The following PSD2 variants were observed in gnomAD, a reference collection of about 807,000 sequenced individuals.
PSD2 encodes the protein PH and SEC7 domain-containing protein 2.
A neutral mutation model predicts 69.8 loss-of-function variants in PSD2; 38 were observed. The ratio of observed to expected loss-of-function variants is 0.54; its 90% CI spans 0.42 to 0.71. The LOEUF is 0.71. PSD2 is among the 30% of genes least tolerant of loss of function. PSD2 has a pLI of 0.00. For missense variants in PSD2, 943 were observed against 1,014.5 expected (o/e 0.93, Z 0.96); for synonymous variants, 412 against 423.0 (o/e 0.97, Z 0.32).
intron 6 of PSD2, 54 bp downstream of exon 6, chr5:139,822,059 T>C (rs1436327360): frequency 2.5e-6 from 3 of 1,192,248 alleles, no homozygotes; most frequent in Non-Finnish European, 3.7e-6. Context: ...AGCCAGGCCC[T>C]GGTCCCCTCC....
At chr5:139,808,872 C>T (rs1476746931) in intron 1 of PSD2, among the ~76,000 whole-genome samples, 1 of 152,256 alleles carries the variant, frequency 6.6e-6, no homozygotes, top group African/African-American at 2.4e-5. Context: ...CTTGCCTCCT[C>T]TCTTAACTCC....
the PSD2 span, among the ~76,000 whole-genome samples, chr5:139,753,169 C>T: frequency 6.6e-6 from 1 of 152,196 alleles, no homozygotes; most frequent in African/African-American, 2.4e-5. Context: ...TAGAGACAGC[C>T]AGGACCCTGA....
intron 7 of PSD2, among the ~76,000 whole-genome samples, chr5:139,831,367 A>G (rs1760595239): frequency 6.6e-6 from 1 of 152,204 alleles, no homozygotes; most frequent in African/African-American, 2.4e-5. Flanking sequence ...AAATTTGGTA[A>G]TAATGTTAAT....
At chr5:139,786,911 G>T in the PSD2 span, among the ~76,000 whole-genome samples, 5 of 152,146 alleles carry the variant, frequency 3.3e-5, no homozygotes, top group African/African-American at 1.2e-4. Context: ...CTTCTGTACT[G>T]CCTGACCTAC....
chr5:139,830,592 TTTTCTTTCTTTCTTTC>T lies in PSD2; in HGVS notation c.1270-3108_1270-3093del, dbSNP rs1554096372. On this transcript the variant is annotated intron_variant, in intron 7 of 14. Transcript: ENST00000274710. ...TTTCTTTCTTTCTTTCTTTCTTTCT[TTTTCTTTCTTTCTTTC>T]TCTTTCTTTCTTTCTTTCTCTTTCT... Among the ~76,000 whole-genome samples, 34 of 86,020 alleles carry T rather than the reference TTTTCTTTCTTTCTTTC, an allele frequency of 4.0e-4. 1 individual carries two copies. Among genetic ancestry groups the T allele is most frequent in the African/African-American group, 9.0e-4 (17 of 18,822 alleles). 56.4% of individuals were successfully genotyped at this position (86,020 alleles called of 152,430 possible).
chr5:139,776,579 A>G, the PSD2 span, among the ~76,000 whole-genome samples: 12 of 152,060 alleles, frequency 7.9e-5, no homozygotes, highest in African/African-American at 2.9e-4. Context: ...GAACTCCTCC[A>G]GGAAGTCCTC....
intron 7 of PSD2, 46 bp downstream of exon 7, chr5:139,822,830 C>T (rs199655131): frequency 1.9e-6 from 3 of 1,544,392 alleles, no homozygotes; most frequent in Non-Finnish European, 2.6e-6. Context: ...CTCTCAGGGA[C>T]CCACCTTGTG....
At chr5:139,768,503 G>A in the PSD2 span, among the ~76,000 whole-genome samples, 3 of 152,218 alleles carry the variant, frequency 2.0e-5, no homozygotes, top group East Asian at 1.9e-4. Flanking sequence ...TGGGTGGATC[G>A]CCTGAGGAAG....
At chr5:139,778,002 C>G in the PSD2 span, among the ~76,000 whole-genome samples, 12 of 152,244 alleles carry the variant, frequency 7.9e-5, no homozygotes, top group Non-Finnish European at 1.8e-4. Context: ...AGCCTGGGAA[C>G]AAGGCAAACC....
Position 139,830,565 on chromosome 5 carries a change from C to CCTTCCTTCCTTCCTTCCTTCCTTCCTTT in PSD2, c.1270-3134_1270-3133insCCTTCCTTCCTTCCTTCCTTCCTTTCTT, listed in dbSNP as rs1554096354. On this transcript the variant is annotated intron_variant, in intron 7 of 14. Transcript: ENST00000274710. ...TCCTTCCTTCCTTCCTTCCTTCCTTCCTTTCTTTCTTTCTTTCTTTCTTTC... is the reference window on the plus strand; with the variant it reads ...TCCTTCCTTCCTTCCTTCCTTCCTTCCTTCCTTCCTTCCTTCCTTCCTTCCTTTCTTTCTTTCTTTCTTTCTTTCTTTC... Among the ~76,000 whole-genome samples, 41 of 120,378 alleles carry CCTTCCTTCCTTCCTTCCTTCCTTCCTTT rather than the reference C, an allele frequency of 3.4e-4. 1 individual carries two copies. Among genetic ancestry groups the CCTTCCTTCCTTCCTTCCTTCCTTCCTTT allele is most frequent in the African/African-American group, 1.1e-3 (30 of 27,172 alleles). 79.0% of individuals were successfully genotyped at this position (120,378 alleles called of 152,430 possible). A position where few individuals can be genotyped will look rare whatever the true frequency, so the allele number is the denominator to read the frequency against.
upstream of PSD2, among the ~76,000 whole-genome samples, chr5:139,793,464 G>A (rs1365246435): frequency 2.0e-5 from 3 of 152,190 alleles, no homozygotes; most frequent in Non-Finnish European, 4.4e-5. Context: ...AGTGTGGGTT[G>A]GGGGGACTGG....
intron 1 of PSD2, among the ~76,000 whole-genome samples, chr5:139,800,894 G>A (rs1020449518): frequency 2.0e-5 from 3 of 152,102 alleles, no homozygotes; most frequent in Non-Finnish European, 4.4e-5. Context: ...ATATCTTGCT[G>A]TTATTTCTTT....
chr5:139,814,682 G>C lies in PSD2; in HGVS notation c.1016+318G>C, dbSNP rs1159366184. 6.6e-6 allele frequency among the ~76,000 whole-genome samples: 1 copy of C among 152,090 alleles called. No individual in the cohort carries two copies. The highest frequency in any genetic ancestry group is 2.4e-5 in the African/African-American group (1 of 41,416). ...GAGGACAGAGAAGCCAGCAGGAGCT[G>C]GGCCCAGCTAATGGGGCCAGGGAGA... On this transcript the variant is annotated intron_variant, in intron 4 of 14. Coordinates refer to ENST00000274710, the MANE Select transcript of PSD2 (RefSeq NM_032289.4). The surrounding 1 kb of genome is among the most constrained non-coding windows in gnomAD (Gnocchi z 4.4).
intron 8 of PSD2, 38 bp downstream of exon 8, chr5:139,833,829 C>G (rs759609865): frequency 4.8e-6 from 7 of 1,450,470 alleles, no homozygotes; most frequent in Admixed American, 1.7e-5. Flanking sequence ...ACTAGCTGTG[C>G]CCTGAATGGA....
At chr5:139,805,481 C>G (rs1027160861) in intron 1 of PSD2, among the ~76,000 whole-genome samples, 1 of 152,190 alleles carries the variant, frequency 6.6e-6, no homozygotes, top group Non-Finnish European at 1.5e-5. Flanking sequence ...CAGCCGTGAA[C>G]ATGACATAGT....
At chr5:139,778,378 A>G in the PSD2 span, among the ~76,000 whole-genome samples, 1 of 152,188 alleles carries the variant, frequency 6.6e-6, no homozygotes, top group African/African-American at 2.4e-5. Flanking sequence ...TAGTCAAGAG[A>G]AGAGTGACTC....
chr5:139,817,766 G>A (rs1369187153), intron 5 of PSD2, among the ~76,000 whole-genome samples: 1 of 152,188 alleles, frequency 6.6e-6, no homozygotes, highest in African/African-American at 2.4e-5. Context: ...GGATGTGAGG[G>A]TGGAAATGTA....
At position 139,814,730 on chromosome 5, in the gene PSD2, G is replaced by T. The variant is rs947984678; in HGVS notation, c.1016+366G>T. ...AGAAAGGAGAACCCGGGCCTCGGGG[G>T]ACACCTCTGGGACCCAGAGCTCAGG... On this transcript the variant is annotated intron_variant, in intron 4 of 14. Transcript: ENST00000274710. The surrounding 1 kb of genome is among the most constrained non-coding windows in gnomAD (Gnocchi z 4.4). 6.6e-6 allele frequency among the ~76,000 whole-genome samples: 1 copy of T among 152,006 alleles called. No homozygotes were observed. Among genetic ancestry groups the T allele is most frequent in the Non-Finnish European group, 1.5e-5 (1 of 67,982 alleles).
intron 7 of PSD2, among the ~76,000 whole-genome samples, chr5:139,824,191 T>C (rs994033136): frequency 6.6e-6 from 1 of 152,142 alleles, no homozygotes. Flanking sequence ...TCCCTATGGC[T>C]AAGAACTGCT....
Sources: gnomAD v4.1 joint callset for allele counts (sites outside exome capture counted in the v4.1 genomes callset) on GRCh38, gnomAD v4.1.1 for gene constraint, Gnocchi (gnomAD v3.1) non-coding constraint, MANE v1.5 for transcripts, NCBI Gene and HGNC (gene_info 2026-07-23, HGNC 2026-07-21) for gene names.